Variants in PPM1G observed in about 807,000 individuals in gnomAD.
The protein encoded by PPM1G is protein phosphatase 1G.
A neutral mutation model predicts 59.4 loss-of-function variants in PPM1G; 12 were observed. The observed-to-expected ratio is 0.20, with a 90% CI of 0.13 to 0.33. The LOEUF (loss-of-function observed/expected upper bound fraction) is 0.33. PPM1G is among the 10% of genes least tolerant of loss of function. PPM1G has a pLI of 1.00. For synonymous variants in PPM1G, 245 were observed against 251.9 expected (o/e 0.97, Z 0.26); for missense variants, 392 against 681.3 (o/e 0.58, Z 4.73).
At chr2:27,409,201 CCCAATTGGGACCCTTCCCAGGGG>C in intron 1 of PPM1G, 79 bp downstream of exon 1, 1 of 1,416,516 alleles carries the variant, frequency 7.1e-7, no homozygotes, top group Non-Finnish European at 9.2e-7. Flanking sequence ...GCCGCAGGCT[CCCAATTGGGACCCTTCCCAGGGG>C]AGGACCCCAT....
At chr2:27,395,147 CTA>C (rs1684015060) in intron 1 of PPM1G, among the ~76,000 whole-genome samples, 1 of 45,268 alleles carries the variant, frequency 2.2e-5, no homozygotes, top group Non-Finnish European at 3.9e-5. Flanking sequence ...AGGAGAATCA[CTA>C]CTTGAATCTG....
At position 27,384,320 on chromosome 2, in the gene PPM1G, G is replaced by T. The variant is rs992317445; in HGVS notation, c.826-228C>A. 4.6e-5 allele frequency among the ~76,000 whole-genome samples: 7 copies of T among 152,200 alleles called. No individual in the cohort carries two copies. The highest frequency in any genetic ancestry group is 8.8e-5 in the Non-Finnish European group (6 of 68,040). On this transcript the variant is annotated intron_variant, in intron 5 of 9. Coordinates refer to ENST00000344034, the MANE Select transcript of PPM1G (RefSeq NM_177983.3). This position sits in a 1 kb window ranked among gnomAD's most constrained non-coding sequence, Gnocchi z 4.8. ...GCAAAAAGCCCAGGACAAGGCAAGG[G>T]CTGCCAGCCAAAAATATCTTTCAGG...
chr2:27,394,551 A>G (rs893513346), intron 1 of PPM1G, among the ~76,000 whole-genome samples: 1 of 151,856 alleles, frequency 6.6e-6, no homozygotes, highest in Non-Finnish European at 1.5e-5. Flanking sequence ...CAACATGGTG[A>G]AACCCCATCT....
chr2:27,405,477 C>T (rs115658648), intron 1 of PPM1G, among the ~76,000 whole-genome samples: 1,721 of 151,922 alleles, frequency 0.011, 38 homozygotes, highest in African/African-American at 0.039. Context: ...TTTTTTGAGA[C>T]GGAGTCTGTC....
rs969229852 is a variant in PPM1G at position 27,388,633 on chromosome 2, T to C, written c.121-1475A>G. Among the ~76,000 whole-genome samples, 3 of 152,138 alleles carry C rather than the reference T, an allele frequency of 2.0e-5. No individual in the cohort carries two copies. The East Asian group carries it at 5.8e-4, about 30-fold the overall frequency. ...GCTCACTCCTGTAATCCCAGCACTT[T>C]GGGAGGCCCAGGCAGGCGGATCATG... On this transcript the variant is annotated intron_variant, in intron 1 of 9. Transcript: ENST00000344034.
At chr2:27,401,487 G>A (rs1256262260) in intron 1 of PPM1G, among the ~76,000 whole-genome samples, 1 of 152,126 alleles carries the variant, frequency 6.6e-6, no homozygotes, top group Non-Finnish European at 1.5e-5. Context: ...TCTTTTTGGG[G>A]TTCTAAAACT....
chr2:27,387,183 C>T (rs924734425), intron 1 of PPM1G, 25 bp from the exon 2 acceptor site: 5 of 1,588,528 alleles, frequency 3.1e-6, no homozygotes, highest in Non-Finnish European at 4.3e-6. Flanking sequence ...GCATAATCGG[C>T]ATGTCTCAAG....
Position 27,384,573 on chromosome 2 carries a change from T to A in PPM1G, c.825+100A>T. 2 of 1,373,158 alleles carry A rather than the reference T, an allele frequency of 1.5e-6. No individual in the cohort carries two copies. Among genetic ancestry groups the A allele is most frequent in the African/African-American group, 1.4e-5 (1 of 69,190 alleles). 85.1% of individuals were successfully genotyped at this position (1,373,158 alleles called of 1,614,324 possible). On this transcript the variant is annotated intron_variant, in intron 5 of 9. Coordinates refer to ENST00000344034, the MANE Select transcript of PPM1G (RefSeq NM_177983.3). This position sits in a 1 kb window ranked among gnomAD's most constrained non-coding sequence, Gnocchi z 4.8. ...GAATACAGTGGGTCTTGGGGGATGA[T>A]GTCAAAATAGGAGAAGGAAAGAGAG... is the stretch of plus-strand genomic sequence containing the variant.
intron 1 of PPM1G, among the ~76,000 whole-genome samples, chr2:27,396,819 C>CAAAAAAAAAAAAAA (rs771980529): frequency 3.2e-5 from 4 of 125,368 alleles, no homozygotes; most frequent in African/African-American, 1.3e-4. Flanking sequence ...CCGTCTCCAA[C>CAAAAAAAAAAAAAA]AAAAAAAAAA....
chr2:27,386,621 C>T (rs1683770972), intron 2 of PPM1G: 1 of 190,192 alleles, frequency 5.3e-6, no homozygotes, highest in Non-Finnish European at 1.1e-5. Flanking sequence ...GTGGCATGGT[C>T]TTGGCTCACT....
chr2:27,403,930 G>C (rs977288704), intron 1 of PPM1G, among the ~76,000 whole-genome samples: 7 of 151,784 alleles, frequency 4.6e-5, no homozygotes, highest in Admixed American at 6.6e-5. Context: ...AGTAAAAAGC[G>C]CTTTAAGCTA....
Position 27,381,820 on chromosome 2 carries a change from G to T in PPM1G, c.1435-15C>A. The T allele has an allele frequency of 6.2e-7, 1 of 1,611,284 alleles. No homozygotes were observed. The highest frequency in any genetic ancestry group is 8.5e-7 in the Non-Finnish European group (1 of 1,179,198). On this transcript the variant is annotated splice_polypyrimidine_tract_variant and intron_variant, in intron 9 of 9. Coordinates refer to ENST00000344034, the MANE Select transcript of PPM1G (RefSeq NM_177983.3). ...TGATCCAGCAGCTAAGAAAGGGATG[G>T]GGGTAGCTCAGCCACAGGGTTTGAA...
intron 1 of PPM1G, among the ~76,000 whole-genome samples, chr2:27,388,691 T>G (rs541496918): frequency 1.3e-5 from 2 of 151,926 alleles, no homozygotes; most frequent in East Asian, 3.9e-4. Flanking sequence ...CTGGCTAACA[T>G]GGTGAAACCC....
chr2:27,385,554 A>G lies in PPM1G; in HGVS notation c.409+193T>C. ...TGTATATACAATGCTTACAGCTCAG[A>G]TGCCACTCAACGAAGATAATTCTCT... On this transcript the variant is annotated intron_variant, in intron 4 of 9. Transcript: ENST00000344034. The surrounding 1 kb of genome is among the most constrained non-coding windows in gnomAD (Gnocchi z 4.1). 2 of 662,914 alleles carry G rather than the reference A, an allele frequency of 3.0e-6. No individual in the cohort carries two copies. The highest frequency in any genetic ancestry group is 2.8e-5 in the East Asian group (1 of 35,510). The allele number at this position is 662,914 out of a possible 1,614,324, so 41.1% of individuals were successfully genotyped here.
chr2:27,387,204 A>G, intron 1 of PPM1G, 46 bp from the exon 2 acceptor site: 8 of 1,507,998 alleles, frequency 5.3e-6, no homozygotes, highest in Non-Finnish European at 6.5e-6. Context: ...GTCGAAGAAT[A>G]TTCCTCAGGT....
chr2:27,401,280 C>T (rs1270765680), intron 1 of PPM1G, among the ~76,000 whole-genome samples: 1 of 151,990 alleles, frequency 6.6e-6, no homozygotes, highest in Non-Finnish European at 1.5e-5. Flanking sequence ...TTTACTCTTC[C>T]AGGGGCCAAC....
chr2:27,386,804 G>A (rs1337731032), intron 2 of PPM1G: 1 of 234,346 alleles, frequency 4.3e-6, no homozygotes, highest in Non-Finnish European at 8.4e-6. Flanking sequence ...CCACTGTGCC[G>A]GGATTACAGG....
At chr2:27,404,701 T>C (rs1354092914) in intron 1 of PPM1G, among the ~76,000 whole-genome samples, 1 of 151,984 alleles carries the variant, frequency 6.6e-6, no homozygotes, top group Non-Finnish European at 1.5e-5. Flanking sequence ...TGCCAGCACT[T>C]TGGGAGGCCG....
intron 1 of PPM1G, among the ~76,000 whole-genome samples, chr2:27,406,482 A>C (rs1663363934): frequency 6.6e-6 from 1 of 152,238 alleles, no homozygotes; most frequent in Non-Finnish European, 1.5e-5. Context: ...AGGCATATTT[A>C]TTCAAACAAG....
Sources: gnomAD v4.1 joint callset for allele counts (sites outside exome capture counted in the v4.1 genomes callset) on GRCh38, gnomAD v4.1.1 for gene constraint, Gnocchi (gnomAD v3.1) non-coding constraint, MANE v1.5 for transcripts, NCBI Gene and HGNC (gene_info 2026-07-23, HGNC 2026-07-21) for gene names.